WWTR1: variants seen among roughly 807,000 people sequenced by gnomAD.
The protein encoded by WWTR1 is WW domain-containing transcription regulator protein 1.
WWTR1 carries 13 observed loss-of-function variants against 40.1 expected under a neutral mutation model. That is an observed-to-expected ratio of 0.32 (90% confidence interval 0.21 to 0.52). The LOEUF is 0.52. Ranked by LOEUF, WWTR1 falls within the 20% of genes least tolerant of loss-of-function variation. The pLI is 0.97. For synonymous variants in WWTR1, 230 were observed against 210.1 expected (o/e 1.09, Z -0.82); for missense variants, 436 against 523.1 (o/e 0.83, Z 1.63).
At chr3:149,718,330 G>A (rs943362795) in intron 4 of WWTR1, among the ~76,000 whole-genome samples, 1 of 152,134 alleles carries the variant, frequency 6.6e-6, no homozygotes, top group African/African-American at 2.4e-5. Context: ...TAGAAAGCAG[G>A]AGATCGTTAC....
At chr3:149,689,742 A>G (rs1714759946) in intron 1 of WWTR1, among the ~76,000 whole-genome samples, 1 of 152,204 alleles carries the variant, frequency 6.6e-6, no homozygotes, top group Non-Finnish European at 1.5e-5. Context: ...GCTAAAGGGA[A>G]TTAATGAGCA....
At chr3:149,719,826 T>A (rs1183231054) in intron 4 of WWTR1, among the ~76,000 whole-genome samples, 2 of 152,212 alleles carry the variant, frequency 1.3e-5, no homozygotes, top group Non-Finnish European at 2.9e-5. Flanking sequence ...TCCAGGTGGC[T>A]CTCACTATAG....
chr3:149,568,294 G>T lies in WWTR1; in HGVS notation c.568+4570C>A, dbSNP rs187088214. Among the ~76,000 whole-genome samples the T allele has an allele frequency of 1.6e-4, 23 of 146,800 alleles. No homozygotes were observed. In the East Asian group the frequency reaches 4.5e-3, roughly 28 times the overall value. ...CCAGCTACTCCAGAGGCTGAGGCAG[G>T]ATAATTGCTTGAACCTGGGAGGTGG... is the stretch of plus-strand genomic sequence containing the variant. On this transcript the variant is annotated intron_variant, in intron 3 of 6. Transcript: ENST00000360632.
At chr3:149,575,530 GC>G (rs935721852) in intron 2 of WWTR1, among the ~76,000 whole-genome samples, 1 of 152,128 alleles carries the variant, frequency 6.6e-6, no homozygotes, top group African/African-American at 2.4e-5. Flanking sequence ...GGATATTGAT[GC>G]TGTGCTAGAA....
chr3:149,678,822 ATT>A (rs57101843), intron 1 of WWTR1, among the ~76,000 whole-genome samples: 6,625 of 135,378 alleles, frequency 0.049, 276 homozygotes, highest in African/African-American at 0.12. Flanking sequence ...GTTCACAAGT[ATT>A]TTTTTTTTTT....
In WWTR1 at chr3:149,572,919, G is replaced by A. The variant is rs1308021367; in HGVS notation, c.513C>T (p.Ala171=). The A allele has an allele frequency of 3.7e-6, 6 of 1,613,898 alleles. No individual in the cohort carries two copies. The highest frequency in any genetic ancestry group is 1.7e-5 in the Admixed American group (1 of 59,990). The change falls in exon 3 of 7, where the codon GCC becomes GCT. Residue 171 remains alanine (A), a synonymous_variant. Coordinates refer to ENST00000360632, the MANE Select transcript of WWTR1 (RefSeq NM_015472.6). Reference sequence around the variant, plus strand: ...TCTGAGGCACTGGTGTGGAACTGACGGCAGGGTGGAGGTTCATATGATTCA... The same window carrying A: ...TCTGAGGCACTGGTGTGGAACTGACAGCAGGGTGGAGGTTCATATGATTCA... ...QPLNHMNLHP[A]VSSTPVPQRS...
upstream of WWTR1, among the ~76,000 whole-genome samples, chr3:149,705,567 A>G (rs555354301): frequency 1.4e-4 from 22 of 152,336 alleles, no homozygotes; most frequent in South Asian, 6.2e-4. Flanking sequence ...TCCAAAACAT[A>G]TATCTGTTGG....
chr3:149,562,737 T>A (rs1309920024), intron 3 of WWTR1, among the ~76,000 whole-genome samples: 1 of 151,980 alleles, frequency 6.6e-6, no homozygotes, highest in African/African-American at 2.4e-5. Flanking sequence ...ATGATATTGT[T>A]TTGCTGACTT....
upstream of WWTR1, among the ~76,000 whole-genome samples, chr3:149,662,460 C>T (rs773773842): frequency 1.9e-4 from 29 of 152,210 alleles, 1 homozygote; most frequent in Non-Finnish European, 2.5e-4. Flanking sequence ...CAACACACTT[C>T]CTACTGAAGC....
At chr3:149,674,640 C>G (rs1416688327) in intron 1 of WWTR1, among the ~76,000 whole-genome samples, 1 of 151,686 alleles carries the variant, frequency 6.6e-6, no homozygotes, top group Non-Finnish European at 1.5e-5. Flanking sequence ...AGAGAACAAG[C>G]CAAAATTGAT....
At position 149,656,907 on chromosome 3, in the gene WWTR1, A is replaced by G. The variant is rs1388207214; in HGVS notation, c.400T>C (p.Phe134Leu). 4.5e-6 allele frequency: 7 copies of G among 1,543,276 alleles called. No individual in the cohort carries two copies. In the Admixed American group the frequency reaches 8.2e-5, roughly 18 times the overall value. The change falls in exon 2 of 7, where the codon TTC becomes CTC. Residue 134 changes from phenylalanine to leucine, a missense_variant. By Grantham distance (22) the Phe-to-Leu change is conservative (BLOSUM62 0). Transcript: ENST00000360632. ...AAGTACCTCTGGCCAGTGGCCGTGA[A>G]GGTCATCTCCCAGCCCGGGGGCAGT... The part of the protein sequence containing the change: ...LPLPPGWEMT[F>L]TATGQRYFLN...
chr3:149,670,483 T>G (rs1031540053), intron 1 of WWTR1, among the ~76,000 whole-genome samples: 46 of 152,028 alleles, frequency 3.0e-4, no homozygotes, highest in African/African-American at 9.9e-4. Context: ...TGCTATCCCC[T>G]CTACAGGTGC....
intron 4 of WWTR1, among the ~76,000 whole-genome samples, chr3:149,537,402 A>G (rs979108235): frequency 6.6e-6 from 1 of 152,240 alleles, no homozygotes; most frequent in African/African-American, 2.4e-5. Context: ...AAGTAGACAC[A>G]TTGATACACA....
chr3:149,724,664 C>T, intron 3 of WWTR1: 1 of 152,134 alleles, frequency 6.6e-6, no homozygotes, highest in East Asian at 1.9e-4. Context: ...TTAAGAACCC[C>T]TTCTAAAAGG....
At chr3:149,694,141 C>A (rs960893760) in intron 1 of WWTR1, among the ~76,000 whole-genome samples, 2 of 152,222 alleles carry the variant, frequency 1.3e-5, no homozygotes, top group African/African-American at 4.8e-5. Flanking sequence ...CGCCTATAAT[C>A]CCAGCACTTT....
intron 3 of WWTR1, among the ~76,000 whole-genome samples, chr3:149,552,610 G>T (rs1252385922): frequency 6.6e-6 from 1 of 152,184 alleles, no homozygotes; most frequent in African/African-American, 2.4e-5. Flanking sequence ...ATAGTTGCCT[G>T]CTTAGCCCCA....
chr3:149,603,997 A>G (rs1739376220), intron 2 of WWTR1, among the ~76,000 whole-genome samples: 1 of 152,190 alleles, frequency 6.6e-6, no homozygotes, highest in South Asian at 2.1e-4. Context: ...AATTAGAAAG[A>G]CTGAGTTCAT....
intron 4 of WWTR1, among the ~76,000 whole-genome samples, chr3:149,532,146 A>G (rs1422345535): frequency 6.6e-6 from 1 of 152,200 alleles, no homozygotes; most frequent in Non-Finnish European, 1.5e-5. Context: ...AAGAGCACCC[A>G]CCCAAGAAGG....
intron 1 of WWTR1, among the ~76,000 whole-genome samples, chr3:149,692,629 T>TTGTC (rs780887651): frequency 6.6e-6 from 1 of 151,624 alleles, no homozygotes; most frequent in Non-Finnish European, 1.5e-5. Flanking sequence ...GTTTGTTTGT[T>TTGTC]TGTTTGTTTG....
Sources: gnomAD v4.1 joint callset for allele counts (sites outside exome capture counted in the v4.1 genomes callset) on GRCh38, gnomAD v4.1.1 for gene constraint, MANE v1.5 for transcripts, NCBI Gene and HGNC (gene_info 2026-07-23, HGNC 2026-07-21) for gene names.